Variants in SYN3 observed in about 807,000 individuals in gnomAD.
SYN3 encodes synapsin III, also known as synapsin-3.
In SYN3, 35 loss-of-function variants were observed where a neutral mutation model predicts 65.8. That is an observed-to-expected ratio of 0.53 (90% CI 0.41 to 0.70). SYN3 has a LOEUF of 0.70. Ranked by LOEUF, SYN3 falls within the 30% of genes least tolerant of loss-of-function variation. SYN3 has a pLI of 0.00. For missense variants in SYN3, 680 were observed against 749.0 expected (o/e 0.91, Z 1.08); for synonymous variants, 270 against 292.9 (o/e 0.92, Z 0.80).
intron 6 of SYN3, among the ~76,000 whole-genome samples, chr22:32,771,212 T>A (rs1208357967): frequency 1.3e-5 from 2 of 152,194 alleles, no homozygotes; most frequent in Non-Finnish European, 2.9e-5. Context: ...TCCAGCTTCA[T>A]CCATGTCCCT....
intron 4 of SYN3, among the ~76,000 whole-genome samples, chr22:32,898,092 T>C (rs1218678843): frequency 6.6e-6 from 1 of 152,200 alleles, no homozygotes; most frequent in Non-Finnish European, 1.5e-5. Context: ...ACCTCCCGGC[T>C]TCAAGCGATT....
intron 13 of SYN3, among the ~76,000 whole-genome samples, chr22:32,516,957 C>T (rs1470876995): frequency 3.9e-5 from 6 of 152,166 alleles, no homozygotes; most frequent in Non-Finnish European, 8.8e-5. Context: ...TGATGATCAA[C>T]ATTTGGCCTT....
chr22:32,711,689 G>A (rs922510030), intron 6 of SYN3, among the ~76,000 whole-genome samples: 10 of 152,308 alleles, frequency 6.6e-5, no homozygotes, highest in Non-Finnish European at 8.8e-5. Context: ...TTCCTTGCAA[G>A]CCAAGAGGTC....
intron 7 of SYN3, among the ~76,000 whole-genome samples, chr22:32,556,254 T>C (rs1482672725): frequency 6.6e-6 from 1 of 152,212 alleles, no homozygotes; most frequent in African/African-American, 2.4e-5. Flanking sequence ...CCTAAATAAC[T>C]ACAATTACTT....
At chr22:32,680,603 G>A (rs1307314739) in intron 6 of SYN3, among the ~76,000 whole-genome samples, 1 of 152,134 alleles carries the variant, frequency 6.6e-6, no homozygotes, top group Non-Finnish European at 1.5e-5. Context: ...CTTAGATCTA[G>A]GTTGACTCCC....
At position 32,900,792 on chromosome 22, in the gene SYN3, T is replaced by G. The variant is rs1293326476; in HGVS notation, c.461+30598A>C. 2.6e-5 allele frequency among the ~76,000 whole-genome samples: 4 copies of G among 152,212 alleles called. 1 individual carries two copies. Among genetic ancestry groups the G allele is most frequent in the Non-Finnish European group, 5.9e-5 (4 of 68,026 alleles). On this transcript the variant is annotated intron_variant, in intron 4 of 13. Transcript: ENST00000358763. ...TATCTCACCATCCTAGCCAGGAAAT[T>G]GACATTTATTTAGCATTTTTTTCTG...
chr22:32,553,760 G>A (rs975961843), intron 7 of SYN3, among the ~76,000 whole-genome samples: 1 of 152,182 alleles, frequency 6.6e-6, no homozygotes, highest in Non-Finnish European at 1.5e-5. Flanking sequence ...AGTGAGGTGG[G>A]GCCTGGTGAA....
chr22:32,829,414 A>C (rs2047508618), intron 6 of SYN3, among the ~76,000 whole-genome samples: 1 of 152,178 alleles, frequency 6.6e-6, no homozygotes, highest in Admixed American at 6.5e-5. Flanking sequence ...ATTATGGCAA[A>C]GACAGAGGGG....
At chr22:32,978,156 G>A (rs8135048) in intron 3 of SYN3, among the ~76,000 whole-genome samples, 4,300 of 152,246 alleles carry the variant, frequency 0.028, 215 homozygotes, top group African/African-American at 0.097. Context: ...AAAACATGAA[G>A]TTGTGAGGCT....
chr22:32,779,877 T>C (rs961642014), intron 6 of SYN3, among the ~76,000 whole-genome samples: 3 of 152,134 alleles, frequency 2.0e-5, no homozygotes, highest in South Asian at 4.1e-4. Flanking sequence ...TGGGATAACC[T>C]GGGCAGAAAA....
intron 6 of SYN3, among the ~76,000 whole-genome samples, chr22:32,720,130 G>A (rs866222954): frequency 1.3e-5 from 2 of 152,158 alleles, no homozygotes; most frequent in African/African-American, 2.4e-5. Context: ...TGGTAGTACC[G>A]GCCCCATGTG....
At chr22:32,913,927 T>C (rs2050124225) in intron 4 of SYN3, among the ~76,000 whole-genome samples, 1 of 152,248 alleles carries the variant, frequency 6.6e-6, no homozygotes, top group Non-Finnish European at 1.5e-5. Context: ...TAAAGTTGTG[T>C]TTTGTGCTTT....
intron 6 of SYN3, among the ~76,000 whole-genome samples, chr22:32,762,835 A>G (rs1226089709): frequency 6.6e-6 from 1 of 151,732 alleles, no homozygotes; most frequent in Admixed American, 6.6e-5. Flanking sequence ...GGTAAGGAAA[A>G]TAGTAATCAT....
At chr22:32,956,136 T>C (rs1266298439) in intron 3 of SYN3, among the ~76,000 whole-genome samples, 2 of 126,280 alleles carry the variant, frequency 1.6e-5, no homozygotes, top group East Asian at 2.4e-4. Context: ...ACAGAACCTG[T>C]CCCCCTCCCA....
intron 6 of SYN3, 91 bp downstream of exon 6, chr22:32,864,824 A>G: frequency 8.4e-7 from 1 of 1,197,582 alleles, no homozygotes; most frequent in South Asian, 1.2e-5. Flanking sequence ...CAACCCCTAG[A>G]GTCCACCTCC....
At chr22:32,771,030 G>C (rs1478101977) in intron 6 of SYN3, among the ~76,000 whole-genome samples, 3 of 152,066 alleles carry the variant, frequency 2.0e-5, no homozygotes, top group African/African-American at 4.8e-5. Flanking sequence ...CATGCATTAG[G>C]TGTTTTTCCT....
At chr22:32,913,093 C>T (rs532054417) in intron 4 of SYN3, among the ~76,000 whole-genome samples, 6 of 152,042 alleles carry the variant, frequency 3.9e-5, no homozygotes, top group South Asian at 4.2e-4. Flanking sequence ...GGGCAGAGGC[C>T]TATGCAAACT....
At position 32,598,250 on chromosome 22, in the gene SYN3, G is replaced by T. The variant is rs148835903; in HGVS notation, c.712-1514C>A. ...AGTAGCTGCTGAGCCTCTGCAGAAG[G>T]CCGCCTGTGCATCACAAAGCCATTC... On this transcript the variant is annotated intron_variant, in intron 6 of 13. Transcript: ENST00000358763. Among the ~76,000 whole-genome samples, 43 of 152,270 alleles carry T rather than the reference G, an allele frequency of 2.8e-4. No homozygotes were observed. The East Asian group carries it at 3.1e-3, about 11-fold the overall frequency.
chr22:32,805,722 C>T (rs1031232028), intron 6 of SYN3, among the ~76,000 whole-genome samples: 8 of 151,366 alleles, frequency 5.3e-5, no homozygotes, highest in African/African-American at 1.7e-4. Context: ...TCCAAGGCCA[C>T]CCAGTTGCTA....
Sources: gnomAD v4.1 joint callset for allele counts (sites outside exome capture counted in the v4.1 genomes callset) on GRCh38, gnomAD v4.1.1 for gene constraint, MANE v1.5 for transcripts, NCBI Gene and HGNC (gene_info 2026-07-23, HGNC 2026-07-21) for gene names.